Variants in RPS24 observed in about 807,000 individuals in gnomAD.
RPS24 encodes the protein small ribosomal subunit protein eS24.
For missense variants in RPS24, 100 were observed against 162.5 expected (o/e 0.62, Z 2.09); for synonymous variants, 72 against 55.6 (o/e 1.30, Z -1.31).
chr10:78,051,948 G>T (rs984490550), intron 4 of RPS24, among the ~76,000 whole-genome samples: 3 of 152,074 alleles, frequency 2.0e-5, no homozygotes, highest in Non-Finnish European at 4.4e-5. Flanking sequence ...ATATATCCTG[G>T]ATGCAAATCT....
intron 4 of RPS24, chr10:78,039,372 T>C (rs576899355): frequency 2.0e-4 from 30 of 152,362 alleles, no homozygotes; most frequent in African/African-American, 7.2e-4. Flanking sequence ...CCCACAGGTA[T>C]GGAGGAGCTA....
rs568256482 is a variant in RPS24 at position 78,039,902 on chromosome 10, A to G, written c.391-302A>G. 2.1e-5 allele frequency: 10 copies of G among 466,846 alleles called. No homozygotes were observed. The East Asian group carries it at 3.9e-4, about 18-fold the overall frequency. 28.9% of individuals were successfully genotyped at this position (466,846 alleles called of 1,614,324 possible). A position where few individuals can be genotyped will look rare whatever the true frequency, so the allele number is the denominator to read the frequency against. ...AGGCTCAGGTATGTACTTCATTGAC[A>G]AGTGGGCAAGGCCATCCTGGGTACC... is the stretch of plus-strand genomic sequence containing the variant. On this transcript the variant is annotated intron_variant, in intron 4 of 5. Coordinates refer to ENST00000372360, the MANE Select transcript of RPS24 (RefSeq NM_033022.4).
chr10:78,044,560 C>T (rs576966668), downstream of RPS24, among the ~76,000 whole-genome samples: 5 of 152,088 alleles, frequency 3.3e-5, no homozygotes, highest in South Asian at 8.3e-4. Flanking sequence ...AGAGGCTCTC[C>T]TGGGTTTTAG....
chr10:78,043,374 A>G (rs1440698203), downstream of RPS24, among the ~76,000 whole-genome samples: 3 of 152,142 alleles, frequency 2.0e-5, no homozygotes, highest in Non-Finnish European at 4.4e-5. Context: ...GCAGTTAAGC[A>G]TCTTACCAGT....
intron 4 of RPS24, among the ~76,000 whole-genome samples, chr10:78,050,161 CT>C (rs1848084828): frequency 7.1e-5 from 1 of 14,002 alleles, no homozygotes; most frequent in Non-Finnish European, 1.1e-4. Flanking sequence ...GTCTATGCCT[CT>C]CTCTCTCTCT....
At chr10:78,044,524 GACAC>G, downstream of RPS24, among the ~76,000 whole-genome samples, 1 of 152,224 alleles carries the variant, frequency 6.6e-6, no homozygotes. Context: ...ACAGAAGTAT[GACAC>G]CTGACTCATT....
chr10:78,046,378 C>T (rs751692468), intron 4 of RPS24, among the ~76,000 whole-genome samples: 6 of 126,464 alleles, frequency 4.7e-5, no homozygotes, highest in African/African-American at 7.5e-5. Flanking sequence ...GAATGAGTCT[C>T]GCTCTGTCAC....
chr10:78,037,902 C>CTTTTTTTTTTT (rs55902139), intron 4 of RPS24: 22 of 379,920 alleles, frequency 5.8e-5, no homozygotes, highest in African/African-American at 1.1e-4. Flanking sequence ...GTTCTGTGAA[C>CTTTTTTTTTTT]TTTTTTTTTT....
chr10:78,037,367 G>T, intron 4 of RPS24, 63 bp downstream of exon 4: 1 of 1,525,680 alleles, frequency 6.6e-7, no homozygotes, highest in Middle Eastern at 1.7e-4. Context: ...TTCTAGGAAA[G>T]AAGGGATCTT....
chr10:78,046,932 C>T (rs1328040305), intron 4 of RPS24, among the ~76,000 whole-genome samples: 1 of 152,042 alleles, frequency 6.6e-6, no homozygotes, highest in Non-Finnish European at 1.5e-5. Flanking sequence ...ATTTCTTGGG[C>T]TCCACCCTAG....
At chr10:78,049,552 C>T (rs1035413851) in intron 4 of RPS24, among the ~76,000 whole-genome samples, 5 of 152,232 alleles carry the variant, frequency 3.3e-5, no homozygotes, top group African/African-American at 1.2e-4. Context: ...CTTCGAGGGC[C>T]TAGACGTTTT....
At chr10:78,038,044 G>A in intron 4 of RPS24, 2 of 1,079,044 alleles carry the variant, frequency 1.9e-6, no homozygotes, top group Non-Finnish European at 2.5e-6. Context: ...CTTTGATGAT[G>A]CTTTGCATGT....
chr10:78,052,708 G>A (rs1383962324), intron 4 of RPS24, among the ~76,000 whole-genome samples: 1 of 152,140 alleles, frequency 6.6e-6, no homozygotes, highest in African/African-American at 2.4e-5. Flanking sequence ...TGAGATGATG[G>A]GGTGTAAGCC....
downstream of RPS24, among the ~76,000 whole-genome samples, chr10:78,042,866 TCTTC>T (rs1278766022): frequency 6.6e-6 from 1 of 152,198 alleles, no homozygotes; most frequent in Non-Finnish European, 1.5e-5. Context: ...AACTCTGCAC[TCTTC>T]CTTTCTTCCC....
At chr10:78,034,014 G>T (rs571043528) in intron 1 of RPS24, 110 bp downstream of exon 1, 2 of 1,367,796 alleles carry the variant, frequency 1.5e-6, no homozygotes, top group East Asian at 4.6e-5. Context: ...GCTCTTCTCT[G>T]GCCGTTTCTG....
rs1394838581 is a variant in RPS24, at chr10:78,035,335, A to G, written c.4-17A>G. On this transcript the variant is annotated splice_polypyrimidine_tract_variant and intron_variant, in intron 1 of 5. Transcript: ENST00000372360. ...AAGTTGGAGTAGTTTTATTAACCAG[A>G]GTGTTTATGTTTTCAGAACGACACC... 2 of 1,612,630 alleles carry G rather than the reference A, an allele frequency of 1.2e-6. No homozygotes were observed. Among genetic ancestry groups the G allele is most frequent in the Admixed American group, 1.7e-5 (1 of 59,992 alleles).
chr10:78,043,668 A>G (rs1218836972), downstream of RPS24, among the ~76,000 whole-genome samples: 1 of 152,214 alleles, frequency 6.6e-6, no homozygotes, highest in Non-Finnish European at 1.5e-5. Context: ...GTTAATGACG[A>G]TCCCATGATC....
At chr10:78,053,024 C>G (rs1848114824) in intron 4 of RPS24, among the ~76,000 whole-genome samples, 1 of 151,830 alleles carries the variant, frequency 6.6e-6, no homozygotes, top group African/African-American at 2.4e-5. Flanking sequence ...TGGTGGAGGG[C>G]GCCTTGTAAT....
At chr10:78,044,030 AAG>A (rs138157073), downstream of RPS24, among the ~76,000 whole-genome samples, 1,933 of 152,326 alleles carry the variant, frequency 0.013, 17 homozygotes, top group Non-Finnish European at 0.019. Flanking sequence ...TTCAGAGGAA[AAG>A]AGTTCATGCA....
Sources: gnomAD v4.1 joint callset for allele counts (sites outside exome capture counted in the v4.1 genomes callset) on GRCh38, gnomAD v4.1.1 for gene constraint, MANE v1.5 for transcripts, NCBI Gene and HGNC (gene_info 2026-07-23, HGNC 2026-07-21) for gene names.